RAB39A: variants seen among roughly 807,000 people sequenced by gnomAD.
RAB39A encodes the protein ras-related protein Rab-39A.
Under a neutral mutation model 20.9 loss-of-function variants are expected in RAB39A, and 17 were observed. The ratio of observed to expected loss-of-function variants is 0.81; its 90% CI spans 0.56 to 1.22. The LOEUF (loss-of-function observed/expected upper bound fraction) is 1.22. Ranked by LOEUF, RAB39A falls within the 50% of genes most tolerant of loss-of-function variation. The pLI is 0.00. For synonymous variants in RAB39A, 99 were observed against 103.4 expected (o/e 0.96, Z 0.26); for missense variants, 234 against 270.5 (o/e 0.87, Z 0.95).
chr11:107,949,078 T>G (rs577600143), intron 1 of RAB39A, among the ~76,000 whole-genome samples: 2 of 152,138 alleles, frequency 1.3e-5, no homozygotes, highest in Non-Finnish European at 2.9e-5. Flanking sequence ...CCTAGCACTT[T>G]GGGAGGCCGA....
At chr11:107,950,391 A>G (rs959923787) in intron 1 of RAB39A, among the ~76,000 whole-genome samples, 2 of 152,136 alleles carry the variant, frequency 1.3e-5, no homozygotes, top group Non-Finnish European at 2.9e-5. Flanking sequence ...GAACATATTC[A>G]GTTGTTTATT....
intron 1 of RAB39A, among the ~76,000 whole-genome samples, chr11:107,935,750 T>C (rs1861188061): frequency 6.6e-6 from 1 of 152,116 alleles, no homozygotes; most frequent in Non-Finnish European, 1.5e-5. Context: ...AAATTAGGAA[T>C]GCCTTTGTTC....
At chr11:107,949,453 C>T (rs931955067) in intron 1 of RAB39A, among the ~76,000 whole-genome samples, 7 of 152,116 alleles carry the variant, frequency 4.6e-5, no homozygotes, top group African/African-American at 1.4e-4. Context: ...TGAAATCATA[C>T]GAAACAAAGC....
chr11:107,947,269 T>C (rs1189725188), intron 1 of RAB39A, among the ~76,000 whole-genome samples: 2 of 151,830 alleles, frequency 1.3e-5, no homozygotes, highest in African/African-American at 4.8e-5. Context: ...GCCCGGCTAA[T>C]TTTGTTTTTC....
At chr11:107,949,427 G>A (rs1220658940) in intron 1 of RAB39A, among the ~76,000 whole-genome samples, 2 of 152,112 alleles carry the variant, frequency 1.3e-5, no homozygotes, top group African/African-American at 4.8e-5. Context: ...CAAATTCCAG[G>A]ATGTGGAAAG....
chr11:107,959,938 G>A (rs1029749962), intron 1 of RAB39A, among the ~76,000 whole-genome samples: 7 of 152,148 alleles, frequency 4.6e-5, no homozygotes, highest in Non-Finnish European at 7.4e-5. Flanking sequence ...AATATTGGCC[G>A]CGGTGGCTCA....
intron 1 of RAB39A, among the ~76,000 whole-genome samples, chr11:107,940,328 G>A (rs75032473): frequency 0.19 from 28,277 of 151,534 alleles, 2,730 homozygotes; most frequent in Middle Eastern, 0.29. Context: ...ACAGTGGCAC[G>A]ATCTCGGCTT....
intron 1 of RAB39A, among the ~76,000 whole-genome samples, chr11:107,946,135 T>A (rs1402914722): frequency 6.7e-6 from 1 of 150,118 alleles, no homozygotes; most frequent in Non-Finnish European, 1.5e-5. Flanking sequence ...TTAGGAAATT[T>A]GTCATGTGAA....
chr11:107,929,915 A>C (rs997082215), intron 1 of RAB39A, among the ~76,000 whole-genome samples: 1 of 152,202 alleles, frequency 6.6e-6, no homozygotes, highest in African/African-American at 2.4e-5. Context: ...ATTTTGCGTT[A>C]GTCAGCAAGT....
At chr11:107,941,082 C>G (rs1276205056) in intron 1 of RAB39A, among the ~76,000 whole-genome samples, 1 of 152,048 alleles carries the variant, frequency 6.6e-6, no homozygotes, top group Non-Finnish European at 1.5e-5. Context: ...ATTATACGTT[C>G]TCAAATTATA....
Position 107,962,584 on chromosome 11 carries a change from A to G in RAB39A, c.*212A>G. ...GCTAAATTACCAAGCAAAGCAGACA[A>G]TCTTTTTCTTGAAATTACCTCCATT... On this transcript the variant is annotated 3_prime_UTR_variant, in exon 2 of 2. Transcript: ENST00000320578. 2.2e-6 allele frequency: 1 copy of G among 445,764 alleles called. No homozygotes were observed. The highest frequency in any genetic ancestry group is 3.9e-6 in the Non-Finnish European group (1 of 257,160). 27.6% of individuals were successfully genotyped at this position (445,764 alleles called of 1,614,324 possible).
In RAB39A at chr11:107,928,724, C is replaced by T; in HGVS notation, c.156C>T (p.Arg52=). ...DPTVGVDFFS[R]LLEIEPGKRI... is the part of the protein sequence containing the mutation. ...CCGTCGGCGTGGACTTCTTCTCCCG[C>T]CTGCTGGAGATCGAGCCGGGCAAGA... Residue 52 remains arginine (R), a synonymous_variant, in exon 1 of 2, where the codon CGC becomes CGT. Coordinates refer to ENST00000320578, the MANE Select transcript of RAB39A (RefSeq NM_017516.3). This position sits in a 1 kb window ranked among gnomAD's most constrained non-coding sequence, Gnocchi z 4.9. The T allele has an allele frequency of 1.9e-6, 3 of 1,610,406 alleles. No homozygotes were observed. Among genetic ancestry groups the T allele is most frequent in the Middle Eastern group, 1.7e-4 (1 of 6,030 alleles).
intron 1 of RAB39A, among the ~76,000 whole-genome samples, chr11:107,943,266 GAGA>G (rs1450660296): frequency 1.3e-5 from 2 of 151,354 alleles, no homozygotes; most frequent in African/African-American, 2.4e-5. Flanking sequence ...TTTTTTTCTG[GAGA>G]AGATGAAATT....
intron 1 of RAB39A, among the ~76,000 whole-genome samples, chr11:107,942,242 T>C (rs182858906): frequency 4.6e-5 from 7 of 151,944 alleles, no homozygotes; most frequent in African/African-American, 1.4e-4. Context: ...AAGAGGTAAA[T>C]TGAAAACAAA....
At chr11:107,952,569 G>T (rs572686794) in intron 1 of RAB39A, among the ~76,000 whole-genome samples, 1 of 151,712 alleles carries the variant, frequency 6.6e-6, no homozygotes, top group Non-Finnish European at 1.5e-5. Flanking sequence ...CAACAAGAGC[G>T]CAACTCTGTC....
At chr11:107,941,560 T>G (rs116629910) in intron 1 of RAB39A, among the ~76,000 whole-genome samples, 11 of 152,272 alleles carry the variant, frequency 7.2e-5, no homozygotes, top group African/African-American at 2.2e-4. Context: ...AATTAAAAGA[T>G]TTATCTTCTT....
In RAB39A at chr11:107,958,965, A is replaced by T. The variant is rs1248438043; in HGVS notation, c.228-2981A>T. Among the ~76,000 whole-genome samples the T allele has an allele frequency of 3.9e-5, 6 of 152,120 alleles. No individual in the cohort carries two copies. The South Asian group carries it at 6.2e-4, about 16-fold the overall frequency. On this transcript the variant is annotated intron_variant, in intron 1 of 1. Coordinates refer to ENST00000320578, the MANE Select transcript of RAB39A (RefSeq NM_017516.3). ...TAAAAACTCATCTCTACTAAAAATTAAAAAATTAGCTGGGCATGGTGGTGG... is the reference window on the plus strand; with the variant it reads ...TAAAAACTCATCTCTACTAAAAATTTAAAAATTAGCTGGGCATGGTGGTGG...
chr11:107,933,444 C>T (rs1360048940), intron 1 of RAB39A, among the ~76,000 whole-genome samples: 21 of 118,138 alleles, frequency 1.8e-4, no homozygotes, highest in Admixed American at 1.5e-3. Flanking sequence ...TGCAGTGAAA[C>T]GATCGGCTCA....
Position 107,962,340 on chromosome 11 carries a change from GCAGTAAAGCC to G in RAB39A, c.626_635del (p.Val209GlyfsTer29). On this transcript the variant is annotated frameshift_variant, in exon 2 of 2. Coordinates refer to ENST00000320578, the MANE Select transcript of RAB39A (RefSeq NM_017516.3). LOFTEE classifies it high-confidence loss of function. ...AAATACTGTGCATTCTTCTGAGGAA[GCAGTAAAGCC>G]CAGGAAAGAATGCTTCTGCTGACTT... is the stretch of plus-strand genomic sequence containing the variant. 1 of 1,609,192 alleles carries G rather than the reference GCAGTAAAGCC, an allele frequency of 6.2e-7. No individual in the cohort carries two copies. Among genetic ancestry groups the G allele is most frequent in the Non-Finnish European group, 8.5e-7 (1 of 1,176,254 alleles).
Sources: allele counts gnomAD v4.1 joint callset (sites outside exome capture counted in the v4.1 genomes callset), GRCh38; gene constraint gnomAD v4.1.1; non-coding constraint Gnocchi (gnomAD v3.1); transcripts MANE v1.5; gene names NCBI Gene and HGNC (gene_info 2026-07-23, HGNC 2026-07-21).